The following CELF2 variants were observed in gnomAD, a reference collection of about 807,000 sequenced individuals.
The protein encoded by CELF2 is CUG triplet repeat RNA-binding protein 2.
Under a neutral mutation model 62.6 loss-of-function variants are expected in CELF2, and 8 were observed. That is an observed-to-expected ratio of 0.13 (90% CI 0.07 to 0.23). The LOEUF (loss-of-function observed/expected upper bound fraction) is 0.23. Ranked by LOEUF, CELF2 falls within the 10% of genes least tolerant of loss-of-function variation. The pLI, the probability that CELF2 is intolerant of heterozygous loss-of-function variation, is 1.00. For missense variants in CELF2, 333 were observed against 671.0 expected (o/e 0.50, Z 5.56); for synonymous variants, 258 against 250.0 (o/e 1.03, Z -0.30).
At chr10:10,977,997 A>G (rs1010354369) in intron 2 of CELF2, among the ~76,000 whole-genome samples, 1 of 151,698 alleles carries the variant, frequency 6.6e-6, no homozygotes, top group Non-Finnish European at 1.5e-5. Context: ...ATGAAGAAGG[A>G]AGGTATTTTG....
At chr10:11,106,029 C>A (rs1595386285) in intron 1 of CELF2, among the ~76,000 whole-genome samples, 1 of 152,192 alleles carries the variant, frequency 6.6e-6, no homozygotes, top group Non-Finnish European at 1.5e-5. Flanking sequence ...TACTGGGTAC[C>A]AGGGCTTCAT....
chr10:10,499,664 G>A, the CELF2 span, among the ~76,000 whole-genome samples: 2 of 152,160 alleles, frequency 1.3e-5, no homozygotes, highest in Non-Finnish European at 2.9e-5. Flanking sequence ...CAGATCATGA[G>A]GTCAAGAGTT....
the CELF2 span, among the ~76,000 whole-genome samples, chr10:10,624,010 T>G: frequency 6.6e-6 from 1 of 152,170 alleles, no homozygotes; most frequent in South Asian, 2.1e-4. Context: ...AACTGGACTC[T>G]GCAAGTCTTT....
At chr10:10,628,660 T>C in the CELF2 span, among the ~76,000 whole-genome samples, 1 of 152,208 alleles carries the variant, frequency 6.6e-6, no homozygotes, top group Non-Finnish European at 1.5e-5. Flanking sequence ...ATGGTGTATA[T>C]GTGCCACATT....
At chr10:10,890,057 G>A (rs1278678198) in intron 1 of CELF2, among the ~76,000 whole-genome samples, 1 of 152,032 alleles carries the variant, frequency 6.6e-6, no homozygotes, top group Non-Finnish European at 1.5e-5. Flanking sequence ...AATGAGGAGG[G>A]GTTTTTTTCC....
Position 11,300,627 on chromosome 10 carries a change from G to A in CELF2, c.976+12075G>A, listed in dbSNP as rs1010351539. ...TTATTGTGGAATAATTAGGCCTCAC[G>A]GGGGGAGAGGCGTAGTATATTAATG... On this transcript the variant is annotated intron_variant, in intron 9 of 12. Coordinates refer to ENST00000633077, the MANE Select transcript of CELF2 (RefSeq NM_001326342.2). The surrounding 1 kb of genome is among the most constrained non-coding windows in gnomAD (Gnocchi z 5.5). 1.3e-5 allele frequency among the ~76,000 whole-genome samples: 2 copies of A among 152,100 alleles called. No individual in the cohort carries two copies. The highest frequency in any genetic ancestry group is 1.5e-5 in the Non-Finnish European group (1 of 68,010).
At chr10:10,940,779 G>T (rs527237788) in intron 2 of CELF2, among the ~76,000 whole-genome samples, 1 of 152,296 alleles carries the variant, frequency 6.6e-6, no homozygotes, top group East Asian at 1.9e-4. Context: ...TGTATGTGTG[G>T]CATGAAGGGT....
At chr10:10,692,407 T>TACA in the CELF2 span, among the ~76,000 whole-genome samples, 1 of 149,402 alleles carries the variant, frequency 6.7e-6, no homozygotes, top group African/African-American at 2.5e-5. Flanking sequence ...TTTTGGTTAC[T>TACA]GTAGCCTTGT....
intron 1 of CELF2, among the ~76,000 whole-genome samples, chr10:10,907,730 G>A (rs984317499): frequency 3.3e-5 from 5 of 151,964 alleles, no homozygotes; most frequent in African/African-American, 1.2e-4. Flanking sequence ...ATTTCATCTG[G>A]GGTTGGTTCA....
At chr10:11,132,761 A>G (rs1261784364) in intron 1 of CELF2, among the ~76,000 whole-genome samples, 1 of 152,228 alleles carries the variant, frequency 6.6e-6, no homozygotes, top group Non-Finnish European at 1.5e-5. Flanking sequence ...CACACGTCCA[A>G]AGGGTATCAT....
chr10:10,988,835 C>A (rs1222114945), intron 2 of CELF2, among the ~76,000 whole-genome samples: 1 of 152,048 alleles, frequency 6.6e-6, no homozygotes, highest in Non-Finnish European at 1.5e-5. Flanking sequence ...AAATAATGTA[C>A]TGGAAGTTCT....
intron 2 of CELF2, among the ~76,000 whole-genome samples, chr10:10,932,063 A>G (rs1330070932): frequency 6.6e-6 from 1 of 152,210 alleles, no homozygotes; most frequent in Non-Finnish European, 1.5e-5. Flanking sequence ...TGGGAATTCA[A>G]AATGAGATCT....
chr10:11,167,039 A>G (rs651722), intron 2 of CELF2, among the ~76,000 whole-genome samples: 47,411 of 152,172 alleles, frequency 0.31, 7,829 homozygotes, highest in African/African-American at 0.42. Context: ...CAAAAAGCAC[A>G]TAGAATGTTG....
the CELF2 span, among the ~76,000 whole-genome samples, chr10:10,768,181 A>AAAAAC: frequency 1.3e-5 from 2 of 150,028 alleles, no homozygotes; most frequent in African/African-American, 5.0e-5. Flanking sequence ...AAAAAAAAAA[A>AAAAAC]CCAAAAAACT....
the CELF2 span, among the ~76,000 whole-genome samples, chr10:10,628,650 A>G: frequency 1.3e-5 from 2 of 152,160 alleles, no homozygotes; most frequent in Admixed American, 6.5e-5. Context: ...ATAGTATTCC[A>G]TGGTGTATAT....
At chr10:10,638,867 A>T in the CELF2 span, among the ~76,000 whole-genome samples, 1 of 152,182 alleles carries the variant, frequency 6.6e-6, no homozygotes, top group East Asian at 1.9e-4. Flanking sequence ...TTCCTACCAA[A>T]CTTTTCCACC....
At chr10:10,964,523 A>G (rs1245544450) in intron 2 of CELF2, among the ~76,000 whole-genome samples, 3 of 152,222 alleles carry the variant, frequency 2.0e-5, no homozygotes, top group Non-Finnish European at 2.9e-5. Flanking sequence ...GGTCAGGCCT[A>G]TGGAATTGTA....
At chr10:11,131,316 G>T (rs545546546) in intron 1 of CELF2, among the ~76,000 whole-genome samples, 1 of 152,298 alleles carries the variant, frequency 6.6e-6, no homozygotes, top group Non-Finnish European at 1.5e-5. Context: ...GGACTCCTGG[G>T]ACTCACTGTG....
chr10:11,086,559 T>C (rs2046785723), intron 1 of CELF2, among the ~76,000 whole-genome samples: 1 of 128,742 alleles, frequency 7.8e-6, no homozygotes, highest in African/African-American at 3.0e-5. Flanking sequence ...AGTGAATCCA[T>C]GTCTCCATTT....
Sources: allele counts gnomAD v4.1 joint callset (sites outside exome capture counted in the v4.1 genomes callset), GRCh38; gene constraint gnomAD v4.1.1; non-coding constraint Gnocchi (gnomAD v3.1); transcripts MANE v1.5; gene names NCBI Gene and HGNC (gene_info 2026-07-23, HGNC 2026-07-21).